CHCHD3: variants seen among roughly 807,000 people sequenced by gnomAD.
The protein encoded by CHCHD3 is coiled-coil-helix-coiled-coil-helix domain containing 3.
CHCHD3 carries 20 observed loss-of-function variants against 38.2 expected under a neutral mutation model. That is an observed-to-expected ratio of 0.52 (90% CI 0.37 to 0.76). The LOEUF (loss-of-function observed/expected upper bound fraction) is 0.76, where lower values mean the gene tolerates loss of function less well. Among genes scored for constraint, CHCHD3 ranks in the 30% least tolerant of loss-of-function variants. The pLI is 0.00. For synonymous variants in CHCHD3, 82 were observed against 100.0 expected (o/e 0.82, Z 1.07); for missense variants, 245 against 279.2 (o/e 0.88, Z 0.87).
intron 4 of CHCHD3, among the ~76,000 whole-genome samples, chr7:132,968,640 A>C (rs1388621488): frequency 1.3e-5 from 2 of 152,202 alleles, no homozygotes; most frequent in Non-Finnish European, 2.9e-5. Context: ...CAAAAACAAC[A>C]GATTTCTAAA....
chr7:132,898,668 CGAG>C (rs1366968897), intron 4 of CHCHD3, among the ~76,000 whole-genome samples: 1 of 152,240 alleles, frequency 6.6e-6, no homozygotes, highest in Non-Finnish European at 1.5e-5. Context: ...TGGCGCTCGT[CGAG>C]GAGGCTCGGG....
At chr7:132,979,396 G>A (rs1296222564) in intron 3 of CHCHD3, among the ~76,000 whole-genome samples, 1 of 152,090 alleles carries the variant, frequency 6.6e-6, no homozygotes, top group East Asian at 1.9e-4. Context: ...GGACTACTCT[G>A]GTTACTGAGA....
chr7:132,880,032 A>G (rs1289506144), intron 5 of CHCHD3, among the ~76,000 whole-genome samples: 3 of 152,188 alleles, frequency 2.0e-5, no homozygotes, highest in Admixed American at 2.0e-4. Context: ...TGAATGCTTA[A>G]CACTTTTAGG....
chr7:133,009,363 CAAAAAAAA>C (rs71178076), intron 3 of CHCHD3, among the ~76,000 whole-genome samples: 14 of 67,406 alleles, frequency 2.1e-4, no homozygotes, highest in Non-Finnish European at 3.0e-4. Context: ...GACTCTGTCT[CAAAAAAAA>C]AAAAAAAAAA....
chr7:132,965,356 A>G (rs1465678602), intron 4 of CHCHD3, among the ~76,000 whole-genome samples: 1 of 152,068 alleles, frequency 6.6e-6, no homozygotes, highest in East Asian at 1.9e-4. Context: ...GTCTCTTTGA[A>G]TGTTTGCTTT....
Position 132,788,167 on chromosome 7 carries a change from C to G in CHCHD3, c.661-2507G>C, listed in dbSNP as rs1349294100. ...CTATAAATTCCAGATATATAGACAA[C>G]CTCACTACATCATGCTTTATTAAAT... On this transcript the variant is annotated intron_variant, in intron 7 of 7. Transcript: ENST00000262570. This position sits in a 1 kb window ranked among gnomAD's most constrained non-coding sequence, Gnocchi z 4.0. 1.3e-5 allele frequency among the ~76,000 whole-genome samples: 2 copies of G among 152,118 alleles called. No homozygotes were observed. The highest frequency in any genetic ancestry group is 2.4e-5 in the African/African-American group (1 of 41,428).
chr7:132,879,047 A>C (rs1808982297), intron 5 of CHCHD3, among the ~76,000 whole-genome samples: 1 of 152,216 alleles, frequency 6.6e-6, no homozygotes, highest in South Asian at 2.1e-4. Flanking sequence ...GTATACACTT[A>C]GCAGATCTTC....
intron 2 of CHCHD3, among the ~76,000 whole-genome samples, chr7:133,027,839 A>T (rs1438951389): frequency 6.6e-6 from 1 of 152,214 alleles, no homozygotes; most frequent in Non-Finnish European, 1.5e-5. Context: ...AAAAGCAGAG[A>T]AATTTCAGGC....
At chr7:132,865,397 TG>T (rs1290574167) in intron 5 of CHCHD3, among the ~76,000 whole-genome samples, 2 of 152,108 alleles carry the variant, frequency 1.3e-5, no homozygotes, top group African/African-American at 4.8e-5. Context: ...AGGTGGTGGT[TG>T]GGGGGAACAC....
chr7:132,822,185 G>A lies in CHCHD3; in HGVS notation c.524+16214C>T, dbSNP rs187756880. The stretch of plus-strand genomic sequence containing the variant: ...TCTCCTATTATATCAGCTTCTCAGC[G>A]CTTCACTTTCCAAATGTTCAAAAGA... On this transcript the variant is annotated intron_variant, in intron 6 of 7. Transcript: ENST00000262570. 7.2e-5 allele frequency among the ~76,000 whole-genome samples: 11 copies of A among 152,192 alleles called. No individual in the cohort carries two copies. In the East Asian group the frequency reaches 1.9e-3, roughly 27 times the overall value.
intron 1 of CHCHD3, among the ~76,000 whole-genome samples, chr7:133,076,164 C>T (rs1814986692): frequency 6.6e-6 from 1 of 151,660 alleles, no homozygotes; most frequent in Non-Finnish European, 1.5e-5. Flanking sequence ...TGACCTATAC[C>T]TATTATACTT....
chr7:133,003,942 C>G (rs887708951), intron 3 of CHCHD3, among the ~76,000 whole-genome samples: 7 of 151,772 alleles, frequency 4.6e-5, no homozygotes, highest in African/African-American at 1.7e-4. Context: ...GAATTTTGAA[C>G]CTGAAAGATA....
chr7:133,008,020 G>T (rs983559241), intron 3 of CHCHD3, among the ~76,000 whole-genome samples: 1 of 152,146 alleles, frequency 6.6e-6, no homozygotes, highest in South Asian at 2.1e-4. Context: ...TATCTGTTAT[G>T]TTGGGGGAAA....
chr7:133,050,828 G>A (rs538302623), intron 2 of CHCHD3, among the ~76,000 whole-genome samples: 3 of 151,956 alleles, frequency 2.0e-5, no homozygotes, highest in South Asian at 2.1e-4. Flanking sequence ...CAGCCTGACC[G>A]ACATGGCAAA....
chr7:132,943,361 G>A (rs944210502), intron 4 of CHCHD3, among the ~76,000 whole-genome samples: 1 of 152,060 alleles, frequency 6.6e-6, no homozygotes, highest in Admixed American at 6.6e-5. Flanking sequence ...ATAATGTTGT[G>A]CTGGTTCAAG....
rs1005146883 is a variant in CHCHD3 at position 132,963,322 on chromosome 7, A to ATTTTT, written c.369+11842_369+11846dup. Among the ~76,000 whole-genome samples the ATTTTT allele has an allele frequency of 5.3e-4, 46 of 87,570 alleles. 2 individuals are homozygous for ATTTTT. The highest frequency in any genetic ancestry group is 1.9e-3 in the South Asian group (4 of 2,136). The allele number at this position is 87,570 out of a possible 152,430, so 57.4% of individuals were successfully genotyped here. Reference sequence around the variant, plus strand: ...TTAAGAAAGGAATTTTAAAATTGTAATTTTTTTTTTTTTTTTTTTTTTTTT... The same window carrying ATTTTT: ...TTAAGAAAGGAATTTTAAAATTGTAATTTTTTTTTTTTTTTTTTTTTTTTTTTTTT... On this transcript the variant is annotated intron_variant, in intron 4 of 7. Transcript: ENST00000262570.
chr7:132,938,777 C>T (rs1231504294), intron 4 of CHCHD3, among the ~76,000 whole-genome samples: 4 of 152,084 alleles, frequency 2.6e-5, no homozygotes, highest in Admixed American at 2.0e-4. Flanking sequence ...GTTCCCAGGA[C>T]GTTTAGATCT....
At position 133,035,921 on chromosome 7, in the gene CHCHD3, G is replaced by A; in HGVS notation, c.170-11294C>T. 1.3e-6 allele frequency: 2 copies of A among 1,579,066 alleles called. No individual in the cohort carries two copies. The highest frequency in any genetic ancestry group is 8.7e-7 in the Non-Finnish European group (1 of 1,151,780). ...ACGTGTACAGGGTCCCAGCCGCCAT[G>A]GTGATTCCGCAAAGAAAGGCTGGAT... On this transcript the variant is annotated intron_variant, in intron 2 of 7. Transcript: ENST00000262570. This position sits in a 1 kb window ranked among gnomAD's most constrained non-coding sequence, Gnocchi z 4.7.
intron 3 of CHCHD3, among the ~76,000 whole-genome samples, chr7:133,001,668 C>T (rs1354498710): frequency 6.6e-6 from 1 of 152,100 alleles, no homozygotes; most frequent in Non-Finnish European, 1.5e-5. Context: ...CTTCACTTAG[C>T]TAGTTTTTCT....
Sources: gnomAD v4.1 joint callset for allele counts (sites outside exome capture counted in the v4.1 genomes callset) on GRCh38, gnomAD v4.1.1 for gene constraint, Gnocchi (gnomAD v3.1) non-coding constraint, MANE v1.5 for transcripts, NCBI Gene and HGNC (gene_info 2026-07-23, HGNC 2026-07-21) for gene names.